TFEB: variants seen among roughly 807,000 people sequenced by gnomAD.
TFEB encodes the protein transcription factor EB, also known as T-cell transcription factor EB.
TFEB carries 12 observed loss-of-function variants against 48.0 expected under a neutral mutation model. The observed-to-expected ratio is 0.25, with a 90% CI of 0.16 to 0.40. The LOEUF (loss-of-function observed/expected upper bound fraction) is 0.40, where lower values mean the gene tolerates loss of function less well. Ranked by LOEUF, TFEB falls within the 10% of genes least tolerant of loss-of-function variation. The pLI is 1.00. For synonymous variants in TFEB, 244 were observed against 261.4 expected (o/e 0.93, Z 0.64); for missense variants, 509 against 640.3 (o/e 0.79, Z 2.21).
rs775220771 is a variant in TFEB at position 41,691,176 on chromosome 6, C to T, written c.38G>A (p.Arg13Gln). The T allele has an allele frequency of 4.4e-6, 7 of 1,589,888 alleles. No homozygotes were observed. The highest frequency in any genetic ancestry group is 6.0e-6 in the Non-Finnish European group (7 of 1,166,272). Residue 13 changes from arginine to glutamine, a missense_variant, in exon 2 of 9, where the codon CGG becomes CAG. Around this residue, in one of 4 missense-constraint regions of TFEB, gnomAD observed 251 missense variants for 317.2 expected, o/e 0.79. Coordinates refer to ENST00000373033, the MANE Select transcript of TFEB (RefSeq NM_001271944.2). This position sits in a 1 kb window ranked among gnomAD's most constrained non-coding sequence, Gnocchi z 5.2. ...SRIGLRMQLMREQAQQEEQRE... is the reference protein window; with the variant it reads ...SRIGLRMQLMQEQAQQEEQRE... The stretch of plus-strand genomic sequence containing the variant: ...CTGCTCCTCCTGCTGCGCCTGCTCC[C>T]GCATGAGCTGCATGCGCAACCCTAT...
chr6:41,706,719 T>C (rs918129826), intron 1 of TFEB, among the ~76,000 whole-genome samples: 1 of 150,940 alleles, frequency 6.6e-6, no homozygotes, highest in East Asian at 2.0e-4. Context: ...TCTCCCCCCA[T>C]AGAGGAGAAA....
At chr6:41,732,717 C>T (rs1041109160) in intron 1 of TFEB, 1 of 985,714 alleles carries the variant, frequency 1.0e-6, no homozygotes. Flanking sequence ...TTTCATCTCC[C>T]TCCTCTCAGA....
At chr6:41,719,647 G>A (rs190474926) in intron 1 of TFEB, among the ~76,000 whole-genome samples, 33 of 152,260 alleles carry the variant, frequency 2.2e-4, no homozygotes, top group Non-Finnish European at 2.2e-4. Context: ...CCATTTATTC[G>A]GCCCTTATTG....
At position 41,691,091 on chromosome 6, in the gene TFEB, T is replaced by TTGCTGCTGC; in HGVS notation, c.114_122dup (p.Gln42_Gln44dup). 1 of 1,577,164 alleles carries TTGCTGCTGC rather than the reference T, an allele frequency of 6.3e-7. No individual in the cohort carries two copies. Among genetic ancestry groups the TTGCTGCTGC allele is most frequent in the Non-Finnish European group, 8.6e-7 (1 of 1,160,160 alleles). On this transcript the variant is annotated inframe_insertion, in exon 2 of 9. Coordinates refer to ENST00000373033, the MANE Select transcript of TFEB (RefSeq NM_001271944.2). The surrounding 1 kb of genome is among the most constrained non-coding windows in gnomAD (Gnocchi z 5.2). ...TGGGCGGCCCTCCGAGCTGCTGCTG[T>TTGCTGCTGC]TGCTGCTGCTGCTGCTGCTGCATGT...
chr6:41,714,128 TGTGC>T (rs1234286851), intron 1 of TFEB, among the ~76,000 whole-genome samples: 1 of 119,462 alleles, frequency 8.4e-6, no homozygotes, highest in African/African-American at 4.1e-5. Context: ...TGTGTGTGCG[TGTGC>T]ATGTGTGCGT....
intron 1 of TFEB, among the ~76,000 whole-genome samples, chr6:41,732,277 A>T (rs2127279616): frequency 6.6e-6 from 1 of 152,314 alleles, no homozygotes. Context: ...CTGAGAACAC[A>T]GACTTTGGAG....
intron 1 of TFEB, among the ~76,000 whole-genome samples, chr6:41,725,205 C>A (rs1771152047): frequency 6.6e-6 from 1 of 152,182 alleles, no homozygotes; most frequent in South Asian, 2.1e-4. Flanking sequence ...CAACACCAGA[C>A]ACTCAGGGCC....
intron 1 of TFEB, among the ~76,000 whole-genome samples, chr6:41,701,022 A>C (rs1769891661): frequency 6.6e-6 from 1 of 152,266 alleles, no homozygotes; most frequent in South Asian, 2.1e-4. Flanking sequence ...GGAACATGAA[A>C]GGAGAAACTA....
intron 4 of TFEB, among the ~76,000 whole-genome samples, chr6:41,688,989 C>G (rs954931796): frequency 6.6e-6 from 1 of 152,342 alleles, no homozygotes; most frequent in East Asian, 1.9e-4. Flanking sequence ...ATCCCACCTG[C>G]CCAGCGTACA....
chr6:41,685,099 G>A, intron 8 of TFEB, 21 bp from the exon 9 acceptor site: 1 of 1,431,412 alleles, frequency 7.0e-7, no homozygotes, highest in Non-Finnish European at 9.2e-7. Context: ...GCAGACAGAA[G>A]GCTGGGGAAC....
upstream of TFEB, chr6:41,736,003 T>G (rs181094475): frequency 1.9e-3 from 2,023 of 1,043,242 alleles, 3 homozygotes; most frequent in Non-Finnish European, 2.5e-3. Flanking sequence ...AGGAGTAGGG[T>G]GCAGGACCTG....
rs755953093 is a variant in TFEB at position 41,712,759 on chromosome 6, G to T, written c.-22-21524C>A. ...CAATGGGGCTGTGTGTGCACCCAGCGTTACTCTGGAGTGGAGCTGGGCAGG... is the reference window on the plus strand; with the variant it reads ...CAATGGGGCTGTGTGTGCACCCAGCTTTACTCTGGAGTGGAGCTGGGCAGG... On this transcript the variant is annotated intron_variant, in intron 1 of 8. Transcript: ENST00000373033. Among the ~76,000 whole-genome samples the T allele has an allele frequency of 2.6e-5, 4 of 152,146 alleles. No homozygotes were observed. In the Middle Eastern group the frequency reaches 0.014, roughly 518 times the overall value.
At chr6:41,705,189 G>A (rs961591841) in intron 1 of TFEB, among the ~76,000 whole-genome samples, 58 of 152,204 alleles carry the variant, frequency 3.8e-4, no homozygotes, top group African/African-American at 1.1e-3. Flanking sequence ...GTGCTCCGCA[G>A]GAGGCCTGGG....
chr6:41,725,526 CT>C (rs1326793724), intron 1 of TFEB, among the ~76,000 whole-genome samples: 1 of 152,242 alleles, frequency 6.6e-6, no homozygotes, highest in Non-Finnish European at 1.5e-5. Flanking sequence ...CCAGCAGGCA[CT>C]GCCACTTAGG....
rs561528444 is a variant in TFEB at position 41,689,024 on chromosome 6, T to G, written c.549+707A>C. Among the ~76,000 whole-genome samples the G allele has an allele frequency of 5.9e-5, 9 of 152,346 alleles. 1 individual carries two copies. In the South Asian group the frequency reaches 1.9e-3, roughly 32 times the overall value. On this transcript the variant is annotated intron_variant, in intron 4 of 8. Transcript: ENST00000373033. ...ACACCTGCCACCTTTGTAGAGAGCTTGCCCTCAATTTCTTCCCTCATCTAA... is the reference window on the plus strand; with the variant it reads ...ACACCTGCCACCTTTGTAGAGAGCTGGCCCTCAATTTCTTCCCTCATCTAA...
Position 41,734,615 on chromosome 6 carries a change from G to C in TFEB, c.-23+735C>G, listed in dbSNP as rs1771593447. On this transcript the variant is annotated intron_variant, in intron 1 of 8. Transcript: ENST00000373033. The surrounding 1 kb of genome is among the most constrained non-coding windows in gnomAD (Gnocchi z 4.0). ...GGCGGGCAGGCAGCTGGGAACCCGG[G>C]GGGAGGCAGACAACGGGGCGCACGG... Among the ~76,000 whole-genome samples the C allele has an allele frequency of 6.6e-6, 1 of 151,198 alleles. No homozygotes were observed. Among genetic ancestry groups the C allele is most frequent in the African/African-American group, 2.4e-5 (1 of 41,124 alleles).
chr6:41,713,509 A>T (rs1002798114), intron 1 of TFEB, among the ~76,000 whole-genome samples: 3 of 152,154 alleles, frequency 2.0e-5, no homozygotes, highest in African/African-American at 7.2e-5. Context: ...AGCTGTAGGC[A>T]TGGGCAGCCT....
intron 1 of TFEB, among the ~76,000 whole-genome samples, chr6:41,729,128 G>A (rs1771346381): frequency 1.3e-5 from 2 of 151,814 alleles, no homozygotes; most frequent in Admixed American, 1.3e-4. Flanking sequence ...AGGGCTGTGG[G>A]ACCTGCCACC....
At chr6:41,719,222 G>T (rs572539153) in intron 1 of TFEB, among the ~76,000 whole-genome samples, 2 of 152,282 alleles carry the variant, frequency 1.3e-5, no homozygotes, top group African/African-American at 2.4e-5. Context: ...CCCCAGATGG[G>T]ACCGTCTAGT....
Sources: allele counts gnomAD v4.1 joint callset (sites outside exome capture counted in the v4.1 genomes callset), GRCh38; gene constraint gnomAD v4.1.1; regional missense constraint gnomAD v4.1.1; non-coding constraint Gnocchi (gnomAD v3.1); transcripts MANE v1.5; gene names NCBI Gene and HGNC (gene_info 2026-07-23, HGNC 2026-07-21).